FAM13A: variants seen among roughly 807,000 people sequenced by gnomAD.
FAM13A encodes protein FAM13A.
Under a neutral mutation model 129.6 loss-of-function variants are expected in FAM13A, and 76 were observed. That is an observed-to-expected ratio of 0.59 (90% CI 0.49 to 0.71). The LOEUF (loss-of-function observed/expected upper bound fraction) is 0.71. Among genes scored for constraint, FAM13A ranks in the 30% least tolerant of loss-of-function variants. The pLI, the probability that FAM13A is intolerant of heterozygous loss-of-function variation, is 0.00. For synonymous variants in FAM13A, 443 were observed against 449.9 expected (o/e 0.98, Z 0.20); for missense variants, 1,108 against 1,249.3 (o/e 0.89, Z 1.70).
chr4:88,822,980 G>T, intron 7 of FAM13A: 1 of 1,612,686 alleles, frequency 6.2e-7, no homozygotes, highest in South Asian at 1.1e-5. Context: ...TACTACCTTT[G>T]CAGAGGCATG....
intron 3 of FAM13A, among the ~76,000 whole-genome samples, chr4:89,002,787 T>TA (rs1764433415): frequency 6.6e-6 from 1 of 152,192 alleles, no homozygotes; most frequent in Non-Finnish European, 1.5e-5. Flanking sequence ...AAGTACAACG[T>TA]AACAACAAAC....
chr4:89,047,300 G>A (rs1487332361), intron 1 of FAM13A, among the ~76,000 whole-genome samples: 1 of 151,990 alleles, frequency 6.6e-6, no homozygotes, highest in African/African-American at 2.4e-5. Context: ...CTTGAATAAT[G>A]CTTATTTTCT....
chr4:88,928,905 T>A (rs751013197), intron 5 of FAM13A, among the ~76,000 whole-genome samples: 145 of 152,310 alleles, frequency 9.5e-4, no homozygotes, highest in Non-Finnish European at 1.2e-3. Flanking sequence ...ATTTTGTCTT[T>A]GTGGTTTGAT....
chr4:88,807,699 C>G lies in FAM13A; in HGVS notation c.1008-2647G>C, dbSNP rs529195669. Among the ~76,000 whole-genome samples the G allele has an allele frequency of 4.6e-5, 7 of 152,300 alleles. No homozygotes were observed. In the East Asian group the frequency reaches 1.3e-3, roughly 29 times the overall value. On this transcript the variant is annotated intron_variant, in intron 7 of 23. Transcript: ENST00000264344. ...TGTCATGCTTCTGATTATGGCAACT[C>G]TACATCACCTTAGTCAAAGTCCATC... is the stretch of plus-strand genomic sequence containing the variant.
intron 6 of FAM13A, among the ~76,000 whole-genome samples, chr4:88,904,464 C>A (rs4505789): frequency 0.55 from 84,092 of 151,942 alleles, 23,464 homozygotes; most frequent in Admixed American, 0.59. Flanking sequence ...CATGTCCTTT[C>A]TAGGACATGG....
At chr4:88,844,950 T>C (rs895167813) in intron 7 of FAM13A, among the ~76,000 whole-genome samples, 2 of 152,076 alleles carry the variant, frequency 1.3e-5, no homozygotes, top group African/African-American at 4.8e-5. Context: ...TAGAGTGACA[T>C]GAATGTGGCT....
rs569953017 is a variant in FAM13A at position 88,758,684 on chromosome 4, T to A, written c.1726+70A>T. 143 of 1,452,478 alleles carry A rather than the reference T, an allele frequency of 9.8e-5. 2 individuals are homozygous for A. In the South Asian group the frequency reaches 1.7e-3, roughly 17 times the overall value. 90.0% of individuals were successfully genotyped at this position (1,452,478 alleles called of 1,614,324 possible). A position where few individuals can be genotyped will look rare whatever the true frequency, so the allele number is the denominator to read the frequency against. ...TCACCCACACTCTCACATAGTTACA[T>A]GCCTCTCATTTGTGCTTATTTATAT... On this transcript the variant is annotated intron_variant, in intron 14 of 23. Transcript: ENST00000264344.
intron 23 of FAM13A, among the ~76,000 whole-genome samples, chr4:88,730,434 C>G (rs1292859524): frequency 6.6e-6 from 1 of 152,174 alleles, no homozygotes; most frequent in Non-Finnish European, 1.5e-5. Flanking sequence ...GCTCTGTAGC[C>G]CAGGCTGCAG....
chr4:88,753,577 G>A (rs1330546794), intron 14 of FAM13A: 12 of 508,158 alleles, frequency 2.4e-5, no homozygotes, highest in East Asian at 1.5e-4. Context: ...CATGTAGAAC[G>A]GAAGTGAAAG....
Position 88,972,118 on chromosome 4 carries a change from A to AT in FAM13A, c.605+18854dup, listed in dbSNP as rs201852890. Among the ~76,000 whole-genome samples, 1,056 of 148,336 alleles carry AT rather than the reference A, an allele frequency of 7.1e-3. 7 individuals are homozygous for AT. The highest frequency in any genetic ancestry group is 8.0e-3 in the Non-Finnish European group (543 of 67,710). On this transcript the variant is annotated intron_variant, in intron 4 of 23. Transcript: ENST00000264344. ...CTGTTATCCATTAGATAAGAAAAAT[A>AT]TTTTTTTTTACCCTAACTCATTCCT...
At chr4:89,023,109 G>A (rs1267584151) in intron 2 of FAM13A, among the ~76,000 whole-genome samples, 1 of 152,160 alleles carries the variant, frequency 6.6e-6, no homozygotes. Flanking sequence ...TTGTTATGCA[G>A]CAAATGGGTA....
rs368006087 is a variant in FAM13A, at chr4:88,895,415, A to C, written c.843+10964T>G. The stretch of plus-strand genomic sequence containing the variant: ...AATGGCAACAAAAGACAAAATTGAC[A>C]AATGGGATCTAATTAAACTAAAGAG... On this transcript the variant is annotated intron_variant, in intron 6 of 23. Transcript: ENST00000264344. Among the ~76,000 whole-genome samples the C allele has an allele frequency of 2.0e-4, 30 of 151,952 alleles. No individual in the cohort carries two copies. In the East Asian group the frequency reaches 5.2e-3, roughly 26 times the overall value.
At chr4:88,801,797 T>C (rs1727508017) in intron 8 of FAM13A, among the ~76,000 whole-genome samples, 1 of 152,062 alleles carries the variant, frequency 6.6e-6, no homozygotes, top group African/African-American at 2.4e-5. Context: ...TGGGATCTGA[T>C]CCTGCTCATA....
At chr4:88,922,952 G>A (rs1454631667) in intron 5 of FAM13A, among the ~76,000 whole-genome samples, 2 of 152,208 alleles carry the variant, frequency 1.3e-5, no homozygotes, top group African/African-American at 4.8e-5. Context: ...AAATCTAGAA[G>A]AAATGGATAA....
chr4:88,749,691 G>A (rs1225401934), intron 16 of FAM13A, 80 bp downstream of exon 16: 15 of 1,474,758 alleles, frequency 1.0e-5, no homozygotes, highest in Admixed American at 3.7e-5. Context: ...TTAACCTTTC[G>A]TCGTTTCTTT....
At chr4:88,841,419 G>A (rs996203686) in intron 7 of FAM13A, among the ~76,000 whole-genome samples, 9 of 151,112 alleles carry the variant, frequency 6.0e-5, no homozygotes, top group Non-Finnish European at 1.2e-4. Flanking sequence ...GTTTGAACCC[G>A]GGAGGCGGAG....
At chr4:88,756,953 A>C (rs1011259375) in intron 14 of FAM13A, among the ~76,000 whole-genome samples, 3 of 152,190 alleles carry the variant, frequency 2.0e-5, no homozygotes, top group Admixed American at 2.0e-4. Flanking sequence ...GGCAAAACAA[A>C]AACAAAAAGT....
intron 1 of FAM13A, among the ~76,000 whole-genome samples, chr4:89,036,465 T>G (rs1451290501): frequency 6.6e-6 from 1 of 152,214 alleles, no homozygotes; most frequent in Non-Finnish European, 1.5e-5. Flanking sequence ...ATCTGAAACT[T>G]GAACTTATAT....
intron 7 of FAM13A, among the ~76,000 whole-genome samples, chr4:88,821,754 T>C (rs892936357): frequency 7.9e-5 from 12 of 152,320 alleles, no homozygotes; most frequent in East Asian, 3.9e-4. Context: ...TGAGTTCACG[T>C]AGAAAAATTT....
Sources: gnomAD v4.1 joint callset for allele counts (sites outside exome capture counted in the v4.1 genomes callset) on GRCh38, gnomAD v4.1.1 for gene constraint, MANE v1.5 for transcripts, NCBI Gene and HGNC (gene_info 2026-07-23, HGNC 2026-07-21) for gene names.